The following CENPA variants were observed in gnomAD, a reference collection of about 807,000 sequenced individuals.
CENPA encodes centromere protein A, also known as histone H3-like centromeric protein A.
CENPA carries 7 observed loss-of-function variants against 17.2 expected under a neutral mutation model. The ratio of observed to expected loss-of-function variants is 0.41; its 90% CI spans 0.23 to 0.76. The LOEUF is 0.76. Among genes scored for constraint, CENPA ranks in the 30% least tolerant of loss-of-function variants. The pLI is 0.34. For missense variants in CENPA, 149 were observed against 193.1 expected (o/e 0.77, Z 1.35); for synonymous variants, 82 against 77.4 (o/e 1.06, Z -0.31).
rs565853316 is a variant in CENPA, at chr2:26,786,087, C to T, written c.-110C>T. The stretch of plus-strand genomic sequence containing the variant: ...CTGCCAAGCACCGGCTCATGTGAGG[C>T]TCGCGGCACAGCGTTCTCTGGGCTC... On this transcript the variant is annotated 5_prime_UTR_variant, in exon 1 of 5. Transcript: ENST00000335756. 1.5e-4 allele frequency: 188 copies of T among 1,280,150 alleles called. No homozygotes were observed. In the African/African-American group the frequency reaches 2.5e-3, roughly 17 times the overall value. 79.3% of individuals were successfully genotyped at this position (1,280,150 alleles called of 1,614,324 possible).
At chr2:26,790,446 C>T (rs1182405438) in intron 1 of CENPA, among the ~76,000 whole-genome samples, 1 of 152,188 alleles carries the variant, frequency 6.6e-6, no homozygotes, top group Non-Finnish European at 1.5e-5. Flanking sequence ...CCTGCCTCAG[C>T]CTCCCAAGTA....
chr2:26,792,977 C>A, intron 3 of CENPA, 144 bp downstream of exon 3: 2 of 1,243,800 alleles, frequency 1.6e-6, no homozygotes, highest in Non-Finnish European at 2.3e-6. Flanking sequence ...GGTTTGGAGG[C>A]TGGATTCTGC....
At position 26,787,550 on chromosome 2, in the gene CENPA, C is replaced by T. The variant is rs1396564390; in HGVS notation, c.100+1254C>T. On this transcript the variant is annotated intron_variant, in intron 1 of 4. Coordinates refer to ENST00000335756, the MANE Select transcript of CENPA (RefSeq NM_001809.4). Reference sequence around the variant, plus strand: ...TTTTTTGTTGTTTTTTTTTTGAGACCCATCGCCCAGGTTGGAGTGCAGTGA... The same window carrying T: ...TTTTTTGTTGTTTTTTTTTTGAGACTCATCGCCCAGGTTGGAGTGCAGTGA... Among the ~76,000 whole-genome samples, 3 of 150,894 alleles carry T rather than the reference C, an allele frequency of 2.0e-5. No individual in the cohort carries two copies. In the East Asian group the frequency reaches 5.8e-4, roughly 29 times the overall value.
chr2:26,791,899 C>G (rs1433593540), intron 1 of CENPA, among the ~76,000 whole-genome samples: 1 of 152,222 alleles, frequency 6.6e-6, no homozygotes, highest in Non-Finnish European at 1.5e-5. Flanking sequence ...CTGCTATTTT[C>G]TAATTGCTGA....
At chr2:26,788,675 G>GT (rs1376970797) in intron 1 of CENPA, among the ~76,000 whole-genome samples, 10 of 151,016 alleles carry the variant, frequency 6.6e-5, no homozygotes, top group Non-Finnish European at 1.5e-4. Context: ...GTTTTGTTTT[G>GT]TTTTTGTTTT....
In CENPA at chr2:26,792,236, G is replaced by T; in HGVS notation, c.206G>T (p.Arg69Leu). 1 of 1,612,370 alleles carries T rather than the reference G, an allele frequency of 6.2e-7. No individual in the cohort carries two copies. Among genetic ancestry groups the T allele is most frequent in the Non-Finnish European group, 8.5e-7 (1 of 1,179,212 alleles). The change falls in exon 2 of 5, where the codon CGC becomes CTC. Residue 69 changes from arginine (R) to leucine (L), a missense_variant. Arg to Leu is a moderately radical substitution (Grantham distance 102). Transcript: ENST00000335756. ...TTGATAAGGAAGCTGCCCTTCAGCC[G>T]CCTGGTAAGCTCCGGGAGCTTCCCA... Reference protein sequence around the residue: ...HLLIRKLPFSRLAREICVKFT... With the variant: ...HLLIRKLPFSLLAREICVKFT...
rs1167514327 is a variant in CENPA at position 26,786,189 on chromosome 2, G to T, written c.-8G>T. The T allele has an allele frequency of 2.8e-6, 4 of 1,444,626 alleles. No individual in the cohort carries two copies. The highest frequency in any genetic ancestry group is 2.7e-5 in the Admixed American group (1 of 36,848). 89.5% of individuals were successfully genotyped at this position (1,444,626 alleles called of 1,614,324 possible). A position where few individuals can be genotyped will look rare whatever the true frequency, so the allele number is the denominator to read the frequency against. Reference sequence around the variant, plus strand: ...GGGACCGGGCGCCAGCACCCTCTGCGGCGTGTCATGGGCCCGCGCCGCCGG... The same window carrying T: ...GGGACCGGGCGCCAGCACCCTCTGCTGCGTGTCATGGGCCCGCGCCGCCGG... On this transcript the variant is annotated 5_prime_UTR_variant, in exon 1 of 5. Transcript: ENST00000335756.
intron 1 of CENPA, among the ~76,000 whole-genome samples, chr2:26,790,733 T>C (rs1213191458): frequency 6.6e-6 from 1 of 152,210 alleles, no homozygotes. Flanking sequence ...CTTCCCAGTT[T>C]TAAATGTTAT....
Position 26,786,221 on chromosome 2 carries a change from A to G in CENPA, c.25A>G (p.Lys9Glu). 6.9e-7 allele frequency: 1 copy of G among 1,439,366 alleles called. No individual in the cohort carries two copies. Among genetic ancestry groups the G allele is most frequent in the Non-Finnish European group, 9.1e-7 (1 of 1,102,720 alleles). The allele number at this position is 1,439,366 out of a possible 1,614,324, so 89.2% of individuals were successfully genotyped here. Residue 9 changes from lysine (K) to glutamate (E), a missense_variant, in exon 1 of 5, where the codon AAG becomes GAG. By Grantham distance (56) the Lys-to-Glu change is moderately conservative. Coordinates refer to ENST00000335756, the MANE Select transcript of CENPA (RefSeq NM_001809.4). MGPRRRSR[K>E]PEAPRRRSPS... ...CATGGGCCCGCGCCGCCGGAGCCGAAAGCCCGAGGCCCCGAGGAGGCGCAG... is the reference window on the plus strand; with the variant it reads ...CATGGGCCCGCGCCGCCGGAGCCGAGAGCCCGAGGCCCCGAGGAGGCGCAG...
rs938483172 is a variant in CENPA, at chr2:26,786,075, G to T, written c.-122G>T. On this transcript the variant is annotated 5_prime_UTR_variant, in exon 1 of 5. Coordinates refer to ENST00000335756, the MANE Select transcript of CENPA (RefSeq NM_001809.4). ...CGGCGCGGACTTCTGCCAAGCACCG[G>T]CTCATGTGAGGCTCGCGGCACAGCG... 6 of 1,259,268 alleles carry T rather than the reference G, an allele frequency of 4.8e-6. No individual in the cohort carries two copies. The highest frequency in any genetic ancestry group is 5.0e-6 in the Non-Finnish European group (5 of 995,900). 78.0% of individuals were successfully genotyped at this position (1,259,268 alleles called of 1,614,324 possible). A position where few individuals can be genotyped will look rare whatever the true frequency, so the allele number is the denominator to read the frequency against.
At chr2:26,792,085 C>T (rs749533227) in intron 1 of CENPA, 46 bp from the exon 2 acceptor site, 5 of 1,533,856 alleles carry the variant, frequency 3.3e-6, no homozygotes, top group South Asian at 1.1e-5. Flanking sequence ...AGCCAAGCTG[C>T]GAGGCACCAC....
rs143726653 is a variant in CENPA, at chr2:26,792,017, G to A, written c.101-114G>A. 5.9e-3 allele frequency: 5,093 copies of A among 868,556 alleles called. 25 individuals are homozygous for A. The highest frequency in any genetic ancestry group is 8.5e-3 in the Middle Eastern group (39 of 4,576). 53.8% of individuals were successfully genotyped at this position (868,556 alleles called of 1,614,324 possible). On this transcript the variant is annotated intron_variant, in intron 1 of 4. Transcript: ENST00000335756. ...CCTAATAAAACAGACAAAAATCCCTGCTCTGTGGAGGGTAGGCACATAGAT... is the reference window on the plus strand; with the variant it reads ...CCTAATAAAACAGACAAAAATCCCTACTCTGTGGAGGGTAGGCACATAGAT...
intron 1 of CENPA, among the ~76,000 whole-genome samples, 165 bp from the exon 2 acceptor site, chr2:26,791,966 C>T (rs1350873704): frequency 6.6e-6 from 1 of 152,114 alleles, no homozygotes. Flanking sequence ...TGGTTTTTGC[C>T]ATAACTGCAA....
chr2:26,793,314 GCTC>G lies in CENPA; in HGVS notation c.*36_*38del. 6.2e-7 allele frequency: 1 copy of G among 1,610,850 alleles called. No individual in the cohort carries two copies. Among genetic ancestry groups the G allele is most frequent in the Non-Finnish European group, 8.5e-7 (1 of 1,179,038 alleles). Reference sequence around the variant, plus strand: ...CCCAGTGTTTCTGTCAGTCTTTCCTGCTCAGCCAGGGGGTAAGCTCATCCTCTT... The same window carrying G: ...CCCAGTGTTTCTGTCAGTCTTTCCTGAGCCAGGGGGTAAGCTCATCCTCTT... On this transcript the variant is annotated 3_prime_UTR_variant, in exon 4 of 5. Transcript: ENST00000335756.
chr2:26,787,203 C>T (rs1040003948), intron 1 of CENPA, among the ~76,000 whole-genome samples: 3 of 151,748 alleles, frequency 2.0e-5, no homozygotes, highest in Admixed American at 1.3e-4. Context: ...ACTGTGCCTA[C>T]AGGCTTTTTT....
At chr2:26,790,606 G>A (rs977086823) in intron 1 of CENPA, among the ~76,000 whole-genome samples, 13 of 152,200 alleles carry the variant, frequency 8.5e-5, no homozygotes, top group Admixed American at 2.6e-4. Flanking sequence ...GATTACAGGC[G>A]TGAGCCACCG....
rs1664651629 is a variant in CENPA, at chr2:26,793,133, TTC to T, written c.289-10_289-9del. Reference sequence around the variant, plus strand: ...TTCATCTGTGTCCGTCTTTTTCTCTTTCTGTCTCCAGGCAGCAGAAGCATTTC... The same window carrying T: ...TTCATCTGTGTCCGTCTTTTTCTCTTTGTCTCCAGGCAGCAGAAGCATTTC... On this transcript the variant is annotated splice_polypyrimidine_tract_variant and intron_variant, in intron 3 of 4. Transcript: ENST00000335756. 8.1e-6 allele frequency: 13 copies of T among 1,613,854 alleles called. No homozygotes were observed. Among genetic ancestry groups the T allele is most frequent in the Non-Finnish European group, 1.1e-5 (13 of 1,180,024 alleles).
rs1306877972 is a variant in CENPA at position 26,793,245 on chromosome 2, G to A, written c.389G>A (p.Arg130Gln). ...TTCCCAAAGGATGTGCAACTGGCCC[G>A]GAGGATCCGGGGCCTTGAGGAGGGA... ...TLFPKDVQLA[R>Q]RIRGLEEGLG The change falls in exon 4 of 5, where the codon CGG (arginine) becomes CAG (glutamine). Residue 130 changes from arginine to glutamine, a missense_variant. By Grantham distance (43) the Arg-to-Gln change is conservative. Coordinates refer to ENST00000335756, the MANE Select transcript of CENPA (RefSeq NM_001809.4). 1 of 1,614,004 alleles carries A rather than the reference G, an allele frequency of 6.2e-7. No individual in the cohort carries two copies. Among genetic ancestry groups the A allele is most frequent in the Non-Finnish European group, 8.5e-7 (1 of 1,180,020 alleles).
intron 1 of CENPA, among the ~76,000 whole-genome samples, chr2:26,789,555 C>T (rs1278193464): frequency 3.3e-5 from 5 of 152,080 alleles, no homozygotes; most frequent in African/African-American, 1.2e-4. Context: ...CTATATCTAA[C>T]TGCCTTTCTA....
Sources: allele counts gnomAD v4.1 joint callset (sites outside exome capture counted in the v4.1 genomes callset), GRCh38; gene constraint gnomAD v4.1.1; transcripts MANE v1.5; gene names NCBI Gene and HGNC (gene_info 2026-07-23, HGNC 2026-07-21).